The following DCDC1 variants were observed in gnomAD, a reference collection of about 807,000 sequenced individuals.
DCDC1 encodes doublecortin domain-containing protein 1.
In DCDC1, 200 loss-of-function variants were observed where a neutral mutation model predicts 178.3. The ratio of observed to expected loss-of-function variants is 1.12; its 90% confidence interval spans 1.00 to 1.26. The LOEUF is 1.26. DCDC1 is among the 50% of genes most tolerant of loss of function. The pLI, the probability that DCDC1 is intolerant of heterozygous loss-of-function variation, is 0.00. For missense variants in DCDC1, 1,983 were observed against 1,749.2 expected, an observed-to-expected ratio of 1.13 and a Z score of -2.38; for synonymous variants, 690 against 604.8, an observed-to-expected ratio of 1.14 and a Z score of -2.07.
In DCDC1 at chr11:30,948,658, T is replaced by C. The variant is rs562618612; in HGVS notation, c.2715+3787A>G. The stretch of plus-strand genomic sequence containing the variant: ...CATGGTACTGCTACAACAACAGATA[T>C]ACAGACCAATGGAACAGAACGGAGG... On this transcript the variant is annotated intron_variant, in intron 21 of 38. Coordinates refer to ENST00000684477, the MANE Select transcript of DCDC1 (RefSeq NM_001387274.1). 2.3e-3 allele frequency among the ~76,000 whole-genome samples: 349 copies of C among 152,222 alleles called. 1 individual carries two copies. The highest frequency in any genetic ancestry group is 4.3e-3 in the Non-Finnish European group (292 of 68,014).
chr11:31,240,302 C>A (rs1356795390), intron 9 of DCDC1, among the ~76,000 whole-genome samples: 1 of 151,758 alleles, frequency 6.6e-6, no homozygotes, highest in Non-Finnish European at 1.5e-5. Flanking sequence ...TTGGATTTTT[C>A]TTTCTTTCAT....
chr11:31,349,666 G>A (rs898354625), intron 1 of DCDC1, among the ~76,000 whole-genome samples: 7 of 151,958 alleles, frequency 4.6e-5, no homozygotes, highest in Non-Finnish European at 1.0e-4. Context: ...TGATTTTACA[G>A]ATTTTTTTAA....
At chr11:31,142,360 T>C (rs560868358) in intron 9 of DCDC1, among the ~76,000 whole-genome samples, 4 of 152,208 alleles carry the variant, frequency 2.6e-5, no homozygotes, top group African/African-American at 9.6e-5. Flanking sequence ...TTTGAAAAGT[T>C]TGAATGTATA....
intron 9 of DCDC1, among the ~76,000 whole-genome samples, chr11:31,153,426 C>T (rs965860702): frequency 1.3e-5 from 2 of 152,140 alleles, no homozygotes; most frequent in Admixed American, 6.5e-5. Context: ...CTGGGAATTC[C>T]CACTGTAATT....
chr11:31,286,916 C>T (rs985194212), intron 7 of DCDC1, among the ~76,000 whole-genome samples: 3 of 151,996 alleles, frequency 2.0e-5, no homozygotes, highest in Non-Finnish European at 4.4e-5. Context: ...AAACTCTTAG[C>T]CCCCTTCTCC....
intron 20 of DCDC1, among the ~76,000 whole-genome samples, chr11:31,055,788 G>A (rs1955546169): frequency 6.6e-6 from 1 of 152,186 alleles, no homozygotes; most frequent in African/African-American, 2.4e-5. Flanking sequence ...TCACTGATAT[G>A]TGGGAGCTAA....
At chr11:31,040,669 T>G (rs1954382822) in intron 20 of DCDC1, among the ~76,000 whole-genome samples, 1 of 152,230 alleles carries the variant, frequency 6.6e-6, no homozygotes, top group Non-Finnish European at 1.5e-5. Flanking sequence ...GGTTTAACCC[T>G]TTAGGGCCTA....
At chr11:30,914,632 CA>C (rs11355322) in intron 27 of DCDC1, among the ~76,000 whole-genome samples, 47,122 of 100,968 alleles carry the variant, frequency 0.47, 9,282 homozygotes, top group Middle Eastern at 0.55. Flanking sequence ...CATATGCACC[CA>C]AAAAAAAAAA....
At chr11:31,209,924 A>G (rs1266282220) in intron 9 of DCDC1, among the ~76,000 whole-genome samples, 1 of 152,184 alleles carries the variant, frequency 6.6e-6, no homozygotes, top group African/African-American at 2.4e-5. Flanking sequence ...ACACAATGAG[A>G]TGATGTGGGA....
chr11:31,194,037 C>T (rs1374122142), intron 9 of DCDC1, among the ~76,000 whole-genome samples: 2 of 152,034 alleles, frequency 1.3e-5, no homozygotes, highest in Non-Finnish European at 2.9e-5. Flanking sequence ...AAGGTCCATC[C>T]TTCGCAAAAT....
chr11:31,354,661 T>C lies in DCDC1; in HGVS notation c.-125+15036A>G, dbSNP rs376475253. On this transcript the variant is annotated intron_variant, in intron 1 of 38. Coordinates refer to ENST00000684477, the MANE Select transcript of DCDC1 (RefSeq NM_001387274.1). ...AAGTGAACAGTGTAGTCTATTTCAATGTCGTAAGCCTTTTTATTCCCTTCT... is the reference window on the plus strand; with the variant it reads ...AAGTGAACAGTGTAGTCTATTTCAACGTCGTAAGCCTTTTTATTCCCTTCT... 7.6e-4 allele frequency among the ~76,000 whole-genome samples: 116 copies of C among 152,336 alleles called. 4 individuals carry two copies. The South Asian group carries it at 0.022, about 29-fold the overall frequency.
chr11:31,296,140 T>G (rs112178412), intron 6 of DCDC1, among the ~76,000 whole-genome samples: 2,786 of 152,258 alleles, frequency 0.018, 42 homozygotes, highest in Non-Finnish European at 0.028. Context: ...TGTCAGGCAG[T>G]CAACAAATAC....
intron 7 of DCDC1, among the ~76,000 whole-genome samples, chr11:31,278,921 T>C (rs543140873): frequency 6.6e-6 from 1 of 152,284 alleles, no homozygotes; most frequent in Admixed American, 6.5e-5. Context: ...GGCTATCTAA[T>C]TCCTTTGCAT....
chr11:31,326,763 G>A (rs532026504), intron 3 of DCDC1, among the ~76,000 whole-genome samples: 2 of 152,028 alleles, frequency 1.3e-5, no homozygotes, highest in Admixed American at 6.6e-5. Context: ...CATTCAAACT[G>A]ATCTAGGAAA....
In DCDC1 at chr11:31,028,234, T is replaced by C. The variant is rs16921696; in HGVS notation, c.2591+36235A>G. On this transcript the variant is annotated intron_variant, in intron 20 of 38. Coordinates refer to ENST00000684477, the MANE Select transcript of DCDC1 (RefSeq NM_001387274.1). ...CCAAAATAAACATTCTTAATACAAA[T>C]GCATAAAACCATGAGATTGTTTTTG... Among the ~76,000 whole-genome samples the C allele has an allele frequency of 5.9e-3, 898 of 151,982 alleles. 10 individuals carry two copies. Among genetic ancestry groups the C allele is most frequent in the African/African-American group, 0.02 (838 of 41,536 alleles).
intron 9 of DCDC1, among the ~76,000 whole-genome samples, chr11:31,221,504 C>T (rs1974259777): frequency 6.6e-6 from 1 of 152,176 alleles, no homozygotes; most frequent in Admixed American, 6.6e-5. Flanking sequence ...TGACCTTCCC[C>T]TTTTGTCTCT....
intron 20 of DCDC1, among the ~76,000 whole-genome samples, chr11:30,974,198 C>A (rs765831702): frequency 6.7e-6 from 1 of 149,740 alleles, no homozygotes; most frequent in Non-Finnish European, 1.5e-5. Flanking sequence ...CAAACCAAAA[C>A]GCAACACACC....
intron 20 of DCDC1, among the ~76,000 whole-genome samples, chr11:30,964,112 G>C (rs1324171824): frequency 2.6e-5 from 4 of 152,062 alleles, no homozygotes; most frequent in African/African-American, 9.7e-5. Flanking sequence ...CCACTCCTAG[G>C]GTGTGCAGTG....
chr11:30,893,087 A>T, intron 35 of DCDC1, 90 bp from the exon 36 acceptor site: 2 of 1,421,378 alleles, frequency 1.4e-6, no homozygotes, highest in East Asian at 4.8e-5. Flanking sequence ...TATATCTTGT[A>T]ATTAATAAAT....
Sources: allele counts gnomAD v4.1 joint callset (sites outside exome capture counted in the v4.1 genomes callset), GRCh38; gene constraint gnomAD v4.1.1; transcripts MANE v1.5; gene names NCBI Gene and HGNC (gene_info 2026-07-23, HGNC 2026-07-21).